Variants in OR10G4 observed in about 807,000 individuals in gnomAD.
OR10G4 encodes olfactory receptor 10G4.
For synonymous variants in OR10G4, 130 were observed against 159.3 expected, an observed-to-expected ratio of 0.82 and a Z score of 1.39; for missense variants, 318 against 388.8, an observed-to-expected ratio of 0.82 and a Z score of 1.53.
At chr11:124,014,238 T>G (rs969564008) in intron 1 of OR10G4, among the ~76,000 whole-genome samples, 6 of 152,162 alleles carry the variant, frequency 3.9e-5, no homozygotes, top group Non-Finnish European at 8.8e-5. Context: ...CAGGCAATAG[T>G]AAGGACATCA....
chr11:124,017,461 A>T lies in OR10G4; in HGVS notation c.*951A>T, dbSNP rs1462417237. The T allele has an allele frequency of 6.6e-6, 1 of 152,234 alleles. No homozygotes were observed. Among genetic ancestry groups the T allele is most frequent in the Non-Finnish European group, 1.5e-5 (1 of 68,050 alleles). The allele number at this position is 152,234 out of a possible 1,614,324, so 9.4% of individuals were successfully genotyped here. On this transcript the variant is annotated 3_prime_UTR_variant, in exon 2 of 2. Coordinates refer to ENST00000641722, the MANE Select transcript of OR10G4 (RefSeq NM_001004462.2). ...AGGAGTGTTAAACATTCCACAATGC[A>T]CAGGAGAGACCCTCACAACAAAACT...
Position 124,016,265 on chromosome 11 carries a change from G to C in OR10G4, c.691G>C (p.Asp231His), listed in dbSNP as rs140847160. 6.2e-7 allele frequency: 1 copy of C among 1,614,210 alleles called. No homozygotes were observed. Among genetic ancestry groups the C allele is most frequent in the Non-Finnish European group, 8.5e-7 (1 of 1,180,030 alleles). Residue 231 changes from aspartate to histidine, a missense_variant, in exon 2 of 2, where the codon GAT (aspartate) becomes CAT (histidine). Transcript: ENST00000641722. ...VCSILRIRTS[D>H]GRRRAFQTCA... ...TTCCATCCTGCGGATCCGCACCTCAGATGGGAGGCGCAGAGCCTTTCAGAC... is the reference window on the plus strand; with the variant it reads ...TTCCATCCTGCGGATCCGCACCTCACATGGGAGGCGCAGAGCCTTTCAGAC...
chr11:124,016,575 A>G lies in OR10G4; in HGVS notation c.*65A>G. ...AATCTAATTTAGTTATTCATGTGAA[A>G]TTGATTATATGTATAGTTCTCAGTG... is the stretch of plus-strand genomic sequence containing the variant. On this transcript the variant is annotated 3_prime_UTR_variant, in exon 2 of 2. Transcript: ENST00000641722. 3 of 1,122,806 alleles carry G rather than the reference A, an allele frequency of 2.7e-6. No homozygotes were observed. The highest frequency in any genetic ancestry group is 3.8e-6 in the Non-Finnish European group (3 of 791,426). The allele number at this position is 1,122,806 out of a possible 1,614,324, so 69.6% of individuals were successfully genotyped here. A position where few individuals can be genotyped will look rare whatever the true frequency, so the allele number is the denominator to read the frequency against.
chr11:124,018,250 G>C lies in OR10G4; in HGVS notation c.*1740G>C, dbSNP rs1197861617. 3.3e-5 allele frequency: 5 copies of C among 151,922 alleles called. No homozygotes were observed. The highest frequency in any genetic ancestry group is 7.4e-5 in the Non-Finnish European group (5 of 67,988). The allele number at this position is 151,922 out of a possible 1,614,324, so 9.4% of individuals were successfully genotyped here. A position where few individuals can be genotyped will look rare whatever the true frequency, so the allele number is the denominator to read the frequency against. The stretch of plus-strand genomic sequence containing the variant: ...AAGTTCTGGCATACATGTGCACAAC[G>C]TGCAGGTTTGTTATGTAGCAATACA... On this transcript the variant is annotated 3_prime_UTR_variant, in exon 2 of 2. Transcript: ENST00000641722.
At position 124,015,674 on chromosome 11, in the gene OR10G4, G is replaced by C. The variant is rs536792742; in HGVS notation, c.100G>C (p.Val34Leu). 3 of 1,609,918 alleles carry C rather than the reference G, an allele frequency of 1.9e-6. No homozygotes were observed. Among genetic ancestry groups the C allele is most frequent in the South Asian group, 1.1e-5 (1 of 90,586 alleles). ...LLFGIFLVVYVLTVLGNLLIL... is the reference protein window; with the variant it reads ...LLFGIFLVVYLLTVLGNLLIL... The stretch of plus-strand genomic sequence containing the variant: ...CTTTGGAATCTTCCTGGTGGTTTAC[G>C]TGCTCACTGTGCTGGGGAACCTCCT... Residue 34 changes from valine (V) to leucine (L), a missense_variant, in exon 2 of 2, where the codon GTG (valine) becomes CTG (leucine). Transcript: ENST00000641722.
At position 124,015,446 on chromosome 11, in the gene OR10G4, T is replaced by C; in HGVS notation, c.-27-102T>C. 5 of 1,126,894 alleles carry C rather than the reference T, an allele frequency of 4.4e-6. No individual in the cohort carries two copies. In the East Asian group the frequency reaches 9.8e-5, roughly 22 times the overall value. 69.8% of individuals were successfully genotyped at this position (1,126,894 alleles called of 1,614,324 possible). A position where few individuals can be genotyped will look rare whatever the true frequency, so the allele number is the denominator to read the frequency against. ...GCTTTGTAACAAGCGAAGTGCAGGA[T>C]AACTCCAGAATTATCTACCTGGTTG... On this transcript the variant is annotated intron_variant, in intron 1 of 1. Transcript: ENST00000641722.
In OR10G4 at chr11:124,016,010, G is replaced by A. The variant is rs503223; in HGVS notation, c.436G>A (p.Gly146Ser). 0.029 allele frequency: 44,987 copies of A among 1,578,180 alleles called. 2,761 individuals are homozygous for A. Among genetic ancestry groups the A allele is most frequent in the Admixed American group, 0.18 (10,488 of 59,536 alleles). ...GAGCAGGTGTGCCCTCCTGGCCACC[G>A]GCACTTGGCTCAGTGGCTCTCTGCA... ...SGSRCALLAT[G>S]TWLSGSLHSA... is the part of the protein sequence containing the mutation. The change falls in exon 2 of 2, where the codon GGC becomes AGC. Residue 146 changes from glycine (G) to serine (S), a missense_variant. Gly to Ser is a moderately conservative substitution (Grantham distance 56, BLOSUM62 0). Transcript: ENST00000641722.
rs777631262 is a variant in OR10G4 at position 124,016,347 on chromosome 11, A to T, written c.773A>T (p.Tyr258Phe). 24 of 1,613,956 alleles carry T rather than the reference A, an allele frequency of 1.5e-5. No individual in the cohort carries two copies. The highest frequency in any genetic ancestry group is 2.2e-5 in the East Asian group (1 of 44,886). Residue 258 changes from tyrosine to phenylalanine, a missense_variant, in exon 2 of 2, where the codon TAT becomes TTT. Transcript: ENST00000641722. ...LCFFVPCVVI[Y>F]LRPGSMDAMD... Reference sequence around the variant, plus strand: ...TTCTTTGTTCCCTGTGTTGTCATTTATCTGAGGCCAGGCTCCATGGATGCC... The same window carrying T: ...TTCTTTGTTCCCTGTGTTGTCATTTTTCTGAGGCCAGGCTCCATGGATGCC...
chr11:124,015,358 T>A, intron 1 of OR10G4, 190 bp from the exon 2 acceptor site: 1 of 616,864 alleles, frequency 1.6e-6, no homozygotes, highest in Non-Finnish European at 2.9e-6. Flanking sequence ...TCTGTGTGTG[T>A]GCACCTGTGT....
At position 124,015,341 on chromosome 11, in the gene OR10G4, G is replaced by A. The variant is rs1864005404; in HGVS notation, c.-27-207G>A. On this transcript the variant is annotated intron_variant, in intron 1 of 1. Coordinates refer to ENST00000641722, the MANE Select transcript of OR10G4 (RefSeq NM_001004462.2). ...AGTGTTTCTCTACTTTCTTCTGCAT[G>A]TGTGTCTCTGTGTGTGTGCACCTGT... is the stretch of plus-strand genomic sequence containing the variant. The A allele has an allele frequency of 5.1e-6, 3 of 584,598 alleles. No homozygotes were observed. In the East Asian group the frequency reaches 8.4e-5, roughly 16 times the overall value. 36.2% of individuals were successfully genotyped at this position (584,598 alleles called of 1,614,324 possible).
rs1864024281 is a variant in OR10G4 at position 124,016,668 on chromosome 11, C to T, written c.*158C>T. 1 of 539,926 alleles carries T rather than the reference C, an allele frequency of 1.9e-6. No individual in the cohort carries two copies. Among genetic ancestry groups the T allele is most frequent in the Non-Finnish European group, 3.2e-6 (1 of 317,290 alleles). 33.4% of individuals were successfully genotyped at this position (539,926 alleles called of 1,614,324 possible). ...ACAGATTGTCTAAGACAGTTTTAACCTCACAGCTAGACTTATATTTATGAT... is the reference window on the plus strand; with the variant it reads ...ACAGATTGTCTAAGACAGTTTTAACTTCACAGCTAGACTTATATTTATGAT... On this transcript the variant is annotated 3_prime_UTR_variant, in exon 2 of 2. Transcript: ENST00000641722.
At chr11:124,013,300 G>A (rs976839227) in intron 1 of OR10G4, among the ~76,000 whole-genome samples, 188 bp downstream of exon 1, 1 of 152,070 alleles carries the variant, frequency 6.6e-6, no homozygotes. Context: ...TCTTCATCAG[G>A]GATAGTCAAG....
rs948774011 is a variant in OR10G4, at chr11:124,017,649, T to G, written c.*1139T>G. 6.6e-6 allele frequency: 1 copy of G among 152,222 alleles called. No homozygotes were observed. Among genetic ancestry groups the G allele is most frequent in the Non-Finnish European group, 1.5e-5 (1 of 68,038 alleles). 9.4% of individuals were successfully genotyped at this position (152,222 alleles called of 1,614,324 possible). ...TATAAAGTGCACATGGAGACTCATA[T>G]TTTTAAAATGCCAATTCCATTCAAA... On this transcript the variant is annotated 3_prime_UTR_variant, in exon 2 of 2. Coordinates refer to ENST00000641722, the MANE Select transcript of OR10G4 (RefSeq NM_001004462.2).
In OR10G4 at chr11:124,016,100, T is replaced by C. The variant is rs1251975261; in HGVS notation, c.526T>C (p.Tyr176His). ...CTGTGGACCCAACCAGATCCAGCAC[T>C]ACTTCTGTGACGCACCGCCCATCCT... ...PYCGPNQIQHYFCDAPPILKL... is the reference protein window; with the variant it reads ...PYCGPNQIQHHFCDAPPILKL... The change falls in exon 2 of 2, where the codon TAC becomes CAC. Residue 176 changes from tyrosine (Y) to histidine (H), a missense_variant. Transcript: ENST00000641722. 1 of 1,613,772 alleles carries C rather than the reference T, an allele frequency of 6.2e-7. No individual in the cohort carries two copies. Among genetic ancestry groups the C allele is most frequent in the African/African-American group, 1.3e-5 (1 of 74,856 alleles).
rs1864028669 is a variant in OR10G4, at chr11:124,017,183, A to C, written c.*673A>C. ...ATATTTAAAATATTACCAATGAATC[A>C]ATTAGAAATTGTATACTCACAGAAT... On this transcript the variant is annotated 3_prime_UTR_variant, in exon 2 of 2. Coordinates refer to ENST00000641722, the MANE Select transcript of OR10G4 (RefSeq NM_001004462.2). 6.6e-6 allele frequency: 1 copy of C among 152,314 alleles called. No individual in the cohort carries two copies. Among genetic ancestry groups the C allele is most frequent in the Middle Eastern group, 3.4e-3 (1 of 292 alleles). The allele number at this position is 152,314 out of a possible 1,614,324, so 9.4% of individuals were successfully genotyped here. A position where few individuals can be genotyped will look rare whatever the true frequency, so the allele number is the denominator to read the frequency against.
chr11:124,016,320 GC>G lies in OR10G4; in HGVS notation c.747del (p.Phe250SerfsTer10). 1 of 1,614,154 alleles carries G rather than the reference GC, an allele frequency of 6.2e-7. No individual in the cohort carries two copies. Among genetic ancestry groups the G allele is most frequent in the Non-Finnish European group, 8.5e-7 (1 of 1,180,030 alleles). On this transcript the variant is annotated frameshift_variant, in exon 2 of 2. Coordinates refer to ENST00000641722, the MANE Select transcript of OR10G4 (RefSeq NM_001004462.2). LOFTEE classifies it low-confidence loss of function (END_TRUNC). ...GCCTCCCACTGTATTGTGGTCCTTT[GC>G]TTCTTTGTTCCCTGTGTTGTCATTT... Reference protein sequence around the residue: ...TCASHCIVVLCFFVPCVVIYL... With the variant: ...TCASHCIVVLXFFVPCVVIYL...
Position 124,016,455 on chromosome 11 carries a change from T to G in OR10G4, c.881T>G (p.Val294Gly), listed in dbSNP as rs749546863. 1 of 1,612,220 alleles carries G rather than the reference T, an allele frequency of 6.2e-7. No homozygotes were observed. Among genetic ancestry groups the G allele is most frequent in the African/African-American group, 1.3e-5 (1 of 74,828 alleles). Residue 294 changes from valine (V) to glycine (G), a missense_variant, in exon 2 of 2, where the codon GTG (valine) becomes GGG (glycine). By Grantham distance (109) the Val-to-Gly change is moderately radical. Coordinates refer to ENST00000641722, the MANE Select transcript of OR10G4 (RefSeq NM_001004462.2). The part of the protein sequence containing the change: ...PVVYTLRNKE[V>G]KKAVLKLRDK... Reference sequence around the variant, plus strand: ...GTGTACACCCTGAGAAACAAGGAGGTGAAGAAAGCTGTGTTGAAACTTAGA... The same window carrying G: ...GTGTACACCCTGAGAAACAAGGAGGGGAAGAAAGCTGTGTTGAAACTTAGA...
rs1391941359 is a variant in OR10G4 at position 124,016,361 on chromosome 11, T to C, written c.787T>C (p.Ser263Pro). The part of the protein sequence containing the change: ...PCVVIYLRPG[S>P]MDAMDGVVAI... ...TGTTGTCATTTATCTGAGGCCAGGCTCCATGGATGCCATGGATGGAGTTGT... is the reference window on the plus strand; with the variant it reads ...TGTTGTCATTTATCTGAGGCCAGGCCCCATGGATGCCATGGATGGAGTTGT... The change falls in exon 2 of 2, where the codon TCC becomes CCC. Residue 263 changes from serine to proline, a missense_variant. By Grantham distance (74) the Ser-to-Pro change is moderately conservative (BLOSUM62 -1). Transcript: ENST00000641722. 5 of 1,614,186 alleles carry C rather than the reference T, an allele frequency of 3.1e-6. No individual in the cohort carries two copies. The East Asian group carries it at 6.7e-5, about 22-fold the overall frequency.
In OR10G4 at chr11:124,016,257, G is replaced by C; in HGVS notation, c.683G>C (p.Arg228Pro). ...ATCGTCTGTTCCATCCTGCGGATCC[G>C]CACCTCAGATGGGAGGCGCAGAGCC... ...VSIVCSILRIRTSDGRRRAFQ... is the reference protein window; with the variant it reads ...VSIVCSILRIPTSDGRRRAFQ... The change falls in exon 2 of 2, where the codon CGC becomes CCC. Residue 228 changes from arginine to proline, a missense_variant. Coordinates refer to ENST00000641722, the MANE Select transcript of OR10G4 (RefSeq NM_001004462.2). 6.2e-7 allele frequency: 1 copy of C among 1,614,150 alleles called. No homozygotes were observed. Among genetic ancestry groups the C allele is most frequent in the South Asian group, 1.1e-5 (1 of 91,078 alleles).
Sources: gnomAD v4.1 joint callset for allele counts (sites outside exome capture counted in the v4.1 genomes callset) on GRCh38, gnomAD v4.1.1 for gene constraint, MANE v1.5 for transcripts, NCBI Gene and HGNC (gene_info 2026-07-23, HGNC 2026-07-21) for gene names.